The following RETREG1 variants were observed in gnomAD, a reference collection of about 807,000 sequenced individuals.
The protein encoded by RETREG1 is reticulophagy regulator 1.
RETREG1 carries 44 observed loss-of-function variants against 54.8 expected under a neutral mutation model. That is an observed-to-expected ratio of 0.80 (90% CI 0.63 to 1.03). The LOEUF (loss-of-function observed/expected upper bound fraction) is 1.03. Ranked by LOEUF, RETREG1 falls within the 50% of genes least tolerant of loss-of-function variation. The probability of loss-of-function intolerance (pLI) is 0.00; values close to 1 mark genes in which losing one functional copy is unlikely to be tolerated. For missense variants in RETREG1, 554 were observed against 605.1 expected, an observed-to-expected ratio of 0.92 and a Z score of 0.89; for synonymous variants, 217 against 238.5, an observed-to-expected ratio of 0.91 and a Z score of 0.83.
At chr5:16,616,532 G>T in intron 1 of RETREG1, 120 bp downstream of exon 1, 2 of 1,474,576 alleles carry the variant, frequency 1.4e-6, no homozygotes, top group Non-Finnish European at 1.8e-6. Flanking sequence ...AAGTGGGGCA[G>T]GGCTGACAAT....
At position 16,597,864 on chromosome 5, in the gene RETREG1, C is replaced by G. The variant is rs145170810; in HGVS notation, c.320+18788G>C. On this transcript the variant is annotated intron_variant, in intron 1 of 8. Transcript: ENST00000306320. The surrounding 1 kb of genome is among the most constrained non-coding windows in gnomAD (Gnocchi z 4.3). ...AACTAGTACCTAAGCCCCTGAAGAT[C>G]TGGACCTGCTTCCTTTCCAGCCTCA... 2.1e-4 allele frequency among the ~76,000 whole-genome samples: 32 copies of G among 152,286 alleles called. No homozygotes were observed. The highest frequency in any genetic ancestry group is 7.2e-4 in the African/African-American group (30 of 41,552).
intron 1 of RETREG1, among the ~76,000 whole-genome samples, chr5:16,604,953 T>G (rs1743144774): frequency 6.6e-6 from 1 of 152,244 alleles, no homozygotes; most frequent in Admixed American, 6.5e-5. Flanking sequence ...CATTTATTGT[T>G]AAACTAATAT....
At chr5:16,606,406 A>C (rs1363536192) in intron 1 of RETREG1, among the ~76,000 whole-genome samples, 1 of 152,114 alleles carries the variant, frequency 6.6e-6, no homozygotes, top group Non-Finnish European at 1.5e-5. Flanking sequence ...CAAGGCTGCA[A>C]CGACTAAACT....
intron 3 of RETREG1, among the ~76,000 whole-genome samples, chr5:16,503,662 C>CAAA (rs1330647063): frequency 1.1e-5 from 1 of 91,674 alleles, no homozygotes; most frequent in Admixed American, 1.1e-4. Context: ...GACTCCATCT[C>CAAA]AAAAAAAAAA....
chr5:16,556,739 T>C (rs1741718359), intron 3 of RETREG1, among the ~76,000 whole-genome samples: 1 of 152,202 alleles, frequency 6.6e-6, no homozygotes, highest in Non-Finnish European at 1.5e-5. Context: ...GAGAACATGT[T>C]GCCTGTGAAA....
At position 16,474,684 on chromosome 5, in the gene RETREG1, T is replaced by TTTCTTTTTTGAAATTTTTTTGG; in HGVS notation, c.*56_*57insCCAAAAAAATTTCAAAAAAGAA. 1 of 1,560,746 alleles carries TTTCTTTTTTGAAATTTTTTTGG rather than the reference T, an allele frequency of 6.4e-7. No homozygotes were observed. Among genetic ancestry groups the TTTCTTTTTTGAAATTTTTTTGG allele is most frequent in the Non-Finnish European group, 8.6e-7 (1 of 1,161,410 alleles). On this transcript the variant is annotated 3_prime_UTR_variant, in exon 9 of 9. Transcript: ENST00000306320. ...TTTTCTTTTCCTTTTTTTTTTTTTT[T>TTTCTTTTTTGAAATTTTTTTGG]TCTTGTTTGAAATTTTTTTGGTGTT... is the stretch of plus-strand genomic sequence containing the variant.
intron 2 of RETREG1, among the ~76,000 whole-genome samples, chr5:16,568,464 G>T (rs1193180728): frequency 6.6e-6 from 1 of 152,036 alleles, no homozygotes; most frequent in Non-Finnish European, 1.5e-5. Context: ...GTAGAGACAG[G>T]GTTTCACCAT....
At chr5:16,598,140 C>T (rs1742954095) in intron 1 of RETREG1, among the ~76,000 whole-genome samples, 1 of 152,122 alleles carries the variant, frequency 6.6e-6, no homozygotes, top group South Asian at 2.1e-4. Context: ...GACTTTCACA[C>T]ATGCTGCTCC....
Position 16,554,917 on chromosome 5 carries a change from T to TA in RETREG1, c.458+10845dup, listed in dbSNP as rs556764841. 2.1e-3 allele frequency among the ~76,000 whole-genome samples: 319 copies of TA among 152,306 alleles called. 1 individual carries two copies. Among genetic ancestry groups the TA allele is most frequent in the Non-Finnish European group, 2.6e-3 (178 of 68,028 alleles). On this transcript the variant is annotated intron_variant, in intron 3 of 8. Coordinates refer to ENST00000306320, the MANE Select transcript of RETREG1 (RefSeq NM_001034850.3). Reference sequence around the variant, plus strand: ...GTTCCTGCCGCCTAAAAGCTCTTCATACAGACGCAATCTGCAAACTCACCT... The same window carrying TA: ...GTTCCTGCCGCCTAAAAGCTCTTCATAACAGACGCAATCTGCAAACTCACCT...
chr5:16,544,737 G>A (rs779172442), intron 3 of RETREG1, among the ~76,000 whole-genome samples: 27 of 152,160 alleles, frequency 1.8e-4, no homozygotes, highest in Admixed American at 2.0e-4. Context: ...TCATGCATGC[G>A]TGTGTCTATT....
intron 3 of RETREG1, among the ~76,000 whole-genome samples, chr5:16,493,065 C>T (rs114173046): frequency 0.019 from 2,844 of 152,126 alleles, 105 homozygotes; most frequent in African/African-American, 0.066. Context: ...CTCAGAGCAA[C>T]TTAGTGTTCT....
intron 3 of RETREG1, among the ~76,000 whole-genome samples, chr5:16,513,604 G>T (rs1740251851): frequency 6.6e-6 from 1 of 152,188 alleles, no homozygotes; most frequent in African/African-American, 2.4e-5. Context: ...ACTAGAGGAA[G>T]CCCCAAAGCC....
intron 3 of RETREG1, among the ~76,000 whole-genome samples, chr5:16,518,244 GTA>G (rs1740423879): frequency 6.8e-6 from 1 of 146,960 alleles, no homozygotes; most frequent in Non-Finnish European, 1.5e-5. Flanking sequence ...TATTATATAA[GTA>G]TATTATGGAT....
At chr5:16,567,998 G>A (rs977340337) in intron 2 of RETREG1, among the ~76,000 whole-genome samples, 9 of 151,910 alleles carry the variant, frequency 5.9e-5, no homozygotes, top group Non-Finnish European at 1.3e-4. Flanking sequence ...AGAAAGCGGG[G>A]GGCAGATATG....
chr5:16,609,623 A>T (rs1743284778), intron 1 of RETREG1, among the ~76,000 whole-genome samples: 1 of 152,156 alleles, frequency 6.6e-6, no homozygotes, highest in African/African-American at 2.4e-5. Flanking sequence ...AATACAGATG[A>T]ACTGAAGCCC....
At chr5:16,514,720 A>G (rs1167387348) in intron 3 of RETREG1, among the ~76,000 whole-genome samples, 1 of 151,724 alleles carries the variant, frequency 6.6e-6, no homozygotes, top group Non-Finnish European at 1.5e-5. Context: ...AGTCCACTGT[A>G]TCATTCCTAT....
chr5:16,560,651 T>C (rs77335931), intron 3 of RETREG1, among the ~76,000 whole-genome samples: 1,573 of 152,318 alleles, frequency 0.01, 31 homozygotes, highest in African/African-American at 0.035. Context: ...GCTCAGCACC[T>C]GTGAATGTGG....
At chr5:16,591,739 C>T (rs138520685) in intron 1 of RETREG1, among the ~76,000 whole-genome samples, 16 of 152,296 alleles carry the variant, frequency 1.1e-4, no homozygotes, top group Admixed American at 8.5e-4. Flanking sequence ...CTAACCAAGT[C>T]CAACGGAAAA....
chr5:16,524,381 C>T (rs775005975), intron 3 of RETREG1, among the ~76,000 whole-genome samples: 1 of 152,192 alleles, frequency 6.6e-6, no homozygotes, highest in Non-Finnish European at 1.5e-5. Flanking sequence ...ATCCAGATTT[C>T]CTTTCCATGT....
Sources: allele counts gnomAD v4.1 joint callset (sites outside exome capture counted in the v4.1 genomes callset), GRCh38; gene constraint gnomAD v4.1.1; non-coding constraint Gnocchi (gnomAD v3.1); transcripts MANE v1.5; gene names NCBI Gene and HGNC (gene_info 2026-07-23, HGNC 2026-07-21).